ACOXL: variants seen among roughly 807,000 people sequenced by gnomAD.
The protein encoded by ACOXL is acyl-coenzyme A oxidase-like protein.
A neutral mutation model predicts 71.9 loss-of-function variants in ACOXL; 70 were observed. The ratio of observed to expected loss-of-function variants is 0.97; its 90% CI spans 0.80 to 1.19. The LOEUF (loss-of-function observed/expected upper bound fraction) is 1.19, where lower values mean the gene tolerates loss of function less well. Among genes scored for constraint, ACOXL ranks in the 50% most tolerant of loss-of-function variants. ACOXL has a pLI of 0.00. For synonymous variants in ACOXL, 253 were observed against 281.6 expected, an observed-to-expected ratio of 0.90 and a Z score of 1.02; for missense variants, 703 against 736.3, an observed-to-expected ratio of 0.95 and a Z score of 0.52.
At chr2:110,756,899 C>T (rs766233468) in intron 1 of ACOXL, among the ~76,000 whole-genome samples, 16 of 151,788 alleles carry the variant, frequency 1.1e-4, no homozygotes, top group Non-Finnish European at 2.4e-4. Flanking sequence ...ATTTTTTCTT[C>T]AGCTTTTTTT....
chr2:110,873,712 A>G (rs1371394537), intron 10 of ACOXL, among the ~76,000 whole-genome samples: 2 of 152,096 alleles, frequency 1.3e-5, no homozygotes, highest in East Asian at 3.9e-4. Flanking sequence ...GGGAGAGGGT[A>G]AAAGGGCCCC....
At chr2:110,836,622 T>C (rs1412342090) in intron 9 of ACOXL, among the ~76,000 whole-genome samples, 2 of 152,236 alleles carry the variant, frequency 1.3e-5, no homozygotes, top group African/African-American at 4.8e-5. Flanking sequence ...CACGTTTCTT[T>C]TTCCATATTT....
chr2:110,958,237 C>A (rs1345847728), intron 12 of ACOXL, among the ~76,000 whole-genome samples: 2 of 152,132 alleles, frequency 1.3e-5, no homozygotes, highest in Non-Finnish European at 2.9e-5. Flanking sequence ...ATAGCAAAGG[C>A]CCAGTGATTA....
intron 12 of ACOXL, among the ~76,000 whole-genome samples, chr2:110,975,891 G>A (rs1360987648): frequency 6.6e-6 from 1 of 152,094 alleles, no homozygotes; most frequent in Non-Finnish European, 1.5e-5. Context: ...ACAAAAAAGG[G>A]GGAGTAGGAT....
intron 17 of ACOXL, among the ~76,000 whole-genome samples, chr2:111,106,173 A>G (rs2069528955): frequency 6.6e-6 from 1 of 152,158 alleles, no homozygotes; most frequent in South Asian, 2.1e-4. Context: ...AAATAATTAC[A>G]CACGTTCCTG....
At chr2:110,812,163 C>T (rs1404353646) in intron 9 of ACOXL, among the ~76,000 whole-genome samples, 1 of 152,180 alleles carries the variant, frequency 6.6e-6, no homozygotes, top group African/African-American at 2.4e-5. Flanking sequence ...ATTTTGACAA[C>T]TCTTCAGGAT....
At chr2:111,026,819 C>T (rs900624606) in intron 14 of ACOXL, among the ~76,000 whole-genome samples, 2 of 152,144 alleles carry the variant, frequency 1.3e-5, no homozygotes, top group Non-Finnish European at 2.9e-5. Flanking sequence ...TTGAAAACTA[C>T]TCAGTTACAG....
At chr2:111,027,881 C>T (rs1218666934) in intron 14 of ACOXL, among the ~76,000 whole-genome samples, 5 of 152,050 alleles carry the variant, frequency 3.3e-5, no homozygotes, top group Non-Finnish European at 5.9e-5. Context: ...ATTTCTCTAA[C>T]AGCTTTATTA....
chr2:110,845,511 CAACA>C (rs1691715505), intron 10 of ACOXL, among the ~76,000 whole-genome samples: 1 of 152,192 alleles, frequency 6.6e-6, no homozygotes, highest in African/African-American at 2.4e-5. Context: ...GCTGTGCAAT[CAACA>C]CCACTGTCCA....
At chr2:110,928,039 C>G (rs2060343353) in intron 11 of ACOXL, among the ~76,000 whole-genome samples, 1 of 152,118 alleles carries the variant, frequency 6.6e-6, no homozygotes, top group African/African-American at 2.4e-5. Flanking sequence ...TTAGGGTCTG[C>G]CTCTCCTCTT....
At chr2:110,870,376 T>G (rs938060046) in intron 10 of ACOXL, among the ~76,000 whole-genome samples, 2 of 151,794 alleles carry the variant, frequency 1.3e-5, no homozygotes, top group Non-Finnish European at 2.9e-5. Flanking sequence ...ATCTTCTAAA[T>G]CTTAACTTTT....
chr2:111,091,303 T>C (rs956130765), intron 16 of ACOXL, among the ~76,000 whole-genome samples: 2 of 152,220 alleles, frequency 1.3e-5, no homozygotes, highest in African/African-American at 2.4e-5. Context: ...ATTATACTAA[T>C]GTGAATGTAT....
At chr2:110,787,444 G>T (rs1371222893) in intron 3 of ACOXL, among the ~76,000 whole-genome samples, 2 of 148,532 alleles carry the variant, frequency 1.3e-5, no homozygotes, top group African/African-American at 5.0e-5. Context: ...TGAGGCAGGA[G>T]AATGGCGTGG....
intron 9 of ACOXL, among the ~76,000 whole-genome samples, chr2:110,827,585 C>T (rs1689314768): frequency 6.6e-6 from 1 of 152,116 alleles, no homozygotes; most frequent in African/African-American, 2.4e-5. Context: ...GAGATCAGCT[C>T]TGAGTTCTTG....
At chr2:110,923,936 C>CAA (rs937466509) in intron 11 of ACOXL, among the ~76,000 whole-genome samples, 2 of 123,660 alleles carry the variant, frequency 1.6e-5, no homozygotes, top group Non-Finnish European at 1.7e-5. Flanking sequence ...GACTCCATCT[C>CAA]AAAAAAAAAA....
At chr2:110,903,458 T>C (rs1000519055) in intron 10 of ACOXL, among the ~76,000 whole-genome samples, 1 of 152,260 alleles carries the variant, frequency 6.6e-6, no homozygotes. Flanking sequence ...CACAGCACTC[T>C]GCGAGCCCGG....
intron 10 of ACOXL, among the ~76,000 whole-genome samples, chr2:110,873,320 G>A (rs1229984043): frequency 6.6e-6 from 1 of 152,060 alleles, no homozygotes; most frequent in Non-Finnish European, 1.5e-5. Flanking sequence ...CTGGGAGGAG[G>A]CTCGGTGGCA....
At chr2:110,812,878 T>C (rs1687508134) in intron 9 of ACOXL, among the ~76,000 whole-genome samples, 1 of 152,222 alleles carries the variant, frequency 6.6e-6, no homozygotes, top group Non-Finnish European at 1.5e-5. Flanking sequence ...TCATGGTGCA[T>C]CCGGGTAGCT....
chr2:111,038,915 G>C (rs886689842), intron 15 of ACOXL, among the ~76,000 whole-genome samples: 1 of 152,064 alleles, frequency 6.6e-6, no homozygotes, highest in African/African-American at 2.4e-5. Context: ...CATAGAAAAA[G>C]CAACTGTCTG....
Sources: allele counts gnomAD v4.1 joint callset (sites outside exome capture counted in the v4.1 genomes callset), GRCh38; gene constraint gnomAD v4.1.1; transcripts MANE v1.5; gene names NCBI Gene and HGNC (gene_info 2026-07-23, HGNC 2026-07-21).